The following UBE2D2 variants were observed in gnomAD, a reference collection of about 807,000 sequenced individuals.
UBE2D2 encodes ubiquitin-conjugating enzyme E2 D2.
Under a neutral mutation model 24.2 loss-of-function variants are expected in UBE2D2, and 2 were observed. The observed-to-expected ratio is 0.08, with a 90% CI of 0.03 to 0.26. The LOEUF is 0.26. Among genes scored for constraint, UBE2D2 ranks in the 10% least tolerant of loss-of-function variants. The pLI is 1.00. For synonymous variants in UBE2D2, 58 were observed against 56.5 expected (o/e 1.03, Z -0.12); for missense variants, 44 against 177.6 (o/e 0.25, Z 4.28).
chr5:139,582,735 A>C (rs1220670921), intron 1 of UBE2D2, among the ~76,000 whole-genome samples: 1 of 146,870 alleles, frequency 6.8e-6, no homozygotes, highest in South Asian at 2.1e-4. Flanking sequence ...CAGTGGCTCA[A>C]TCTCGGCTCA....
At chr5:139,571,634 G>C (rs144531124) in intron 1 of UBE2D2, among the ~76,000 whole-genome samples, 1 of 152,088 alleles carries the variant, frequency 6.6e-6, no homozygotes, top group South Asian at 2.1e-4. Context: ...TGTGTCTCCA[G>C]ATTTACTTGT....
intron 5 of UBE2D2, among the ~76,000 whole-genome samples, chr5:139,618,082 T>G (rs1443358840): frequency 6.6e-6 from 1 of 152,100 alleles, no homozygotes. Flanking sequence ...CAAGCCATTC[T>G]CCTGCCTCAG....
intron 1 of UBE2D2, chr5:139,562,075 T>C (rs1439298205): frequency 2.3e-6 from 2 of 879,340 alleles, no homozygotes; most frequent in African/African-American, 1.7e-5. Context: ...GTGTGGACTC[T>C]TAGGGCTTCT....
At chr5:139,529,937 G>T (rs921280686) in intron 1 of UBE2D2, among the ~76,000 whole-genome samples, 3 of 152,202 alleles carry the variant, frequency 2.0e-5, no homozygotes, top group Non-Finnish European at 2.9e-5. Context: ...GCCATGGGAA[G>T]CCCGAAAATT....
At chr5:139,621,135 C>T (rs559461529) in intron 5 of UBE2D2, among the ~76,000 whole-genome samples, 2 of 152,176 alleles carry the variant, frequency 1.3e-5, no homozygotes. Context: ...GTAGTCTTAC[C>T]TGGAGAGTGA....
At chr5:139,596,191 G>A (rs781660215) in intron 1 of UBE2D2, among the ~76,000 whole-genome samples, 6 of 150,848 alleles carry the variant, frequency 4.0e-5, no homozygotes, top group Non-Finnish European at 7.4e-5. Context: ...TGTGCCTGGC[G>A]TTTCTTGTGT....
intron 1 of UBE2D2, among the ~76,000 whole-genome samples, chr5:139,593,986 A>G (rs1753908009): frequency 6.6e-6 from 1 of 152,172 alleles, no homozygotes; most frequent in African/African-American, 2.4e-5. Context: ...ACCACCAAAG[A>G]GCCTCGATTT....
chr5:139,566,018 AT>A (rs527785941), intron 1 of UBE2D2, among the ~76,000 whole-genome samples: 3 of 148,688 alleles, frequency 2.0e-5, no homozygotes, highest in South Asian at 4.2e-4. Context: ...TGTGATAGAG[AT>A]TTTTTTTCTT....
chr5:139,561,637 G>T lies in UBE2D2; in HGVS notation c.-155G>T. The stretch of plus-strand genomic sequence containing the variant: ...AGGCCCAGGAGCTGAGTGGGCCCCG[G>T]CCCTCAGCCCGTCCCGCCGGACCCG... On this transcript the variant is annotated 5_prime_UTR_variant, in exon 1 of 7. Coordinates refer to ENST00000398733, the MANE Select transcript of UBE2D2 (RefSeq NM_003339.3). The T allele has an allele frequency of 1.9e-6, 1 of 529,754 alleles. No individual in the cohort carries two copies. The highest frequency in any genetic ancestry group is 3.2e-6 in the Non-Finnish European group (1 of 314,720). 32.8% of individuals were successfully genotyped at this position (529,754 alleles called of 1,614,324 possible). A position where few individuals can be genotyped will look rare whatever the true frequency, so the allele number is the denominator to read the frequency against.
Position 139,590,789 on chromosome 5 carries a change from T to C in UBE2D2, c.25-9583T>C, listed in dbSNP as rs1181331161. Reference sequence around the variant, plus strand: ...TGGGTATTTTCTCTTCTTCTTTTTTTTTTTTTTTTTTTTTTTTTTTTTTGA... The same window carrying C: ...TGGGTATTTTCTCTTCTTCTTTTTTCTTTTTTTTTTTTTTTTTTTTTTTGA... On this transcript the variant is annotated intron_variant, in intron 1 of 6. Transcript: ENST00000398733. Among the ~76,000 whole-genome samples, 184 of 122,320 alleles carry C rather than the reference T, an allele frequency of 1.5e-3. 2 individuals carry two copies. Among genetic ancestry groups the C allele is most frequent in the African/African-American group, 5.7e-3 (177 of 31,066 alleles). The allele number at this position is 122,320 out of a possible 152,430, so 80.2% of individuals were successfully genotyped here.
chr5:139,608,445 AAAG>A (rs1754240938), intron 2 of UBE2D2, among the ~76,000 whole-genome samples: 1 of 151,818 alleles, frequency 6.6e-6, no homozygotes, highest in Non-Finnish European at 1.5e-5. Context: ...GAAAGAAAAA[AAAG>A]AAGGGTATTC....
intron 1 of UBE2D2, among the ~76,000 whole-genome samples, chr5:139,571,416 A>AAAAAAAAC (rs1753349354): frequency 6.6e-6 from 1 of 151,988 alleles, no homozygotes; most frequent in Non-Finnish European, 1.5e-5. Flanking sequence ...CAAAAAAAAA[A>AAAAAAAAC]AAAAAAACAA....
At chr5:139,589,252 C>G (rs750854038) in intron 1 of UBE2D2, among the ~76,000 whole-genome samples, 18 of 151,860 alleles carry the variant, frequency 1.2e-4, no homozygotes, top group Non-Finnish European at 2.4e-4. Flanking sequence ...GAGCAAGACT[C>G]TGTCTCTTAA....
At chr5:139,537,044 A>G (rs530812752) in intron 1 of UBE2D2, among the ~76,000 whole-genome samples, 20 of 152,056 alleles carry the variant, frequency 1.3e-4, no homozygotes, top group African/African-American at 3.1e-4. Context: ...TTAGCCGGGC[A>G]TGGTGGCGGA....
intron 1 of UBE2D2, among the ~76,000 whole-genome samples, chr5:139,531,078 G>A (rs530583388): frequency 2.6e-5 from 4 of 152,158 alleles, no homozygotes; most frequent in Non-Finnish European, 1.5e-5. Flanking sequence ...AGTCTCAAAG[G>A]GGGGGAAATG....
At chr5:139,529,793 G>A (rs989983208) in intron 1 of UBE2D2, among the ~76,000 whole-genome samples, 29 of 152,244 alleles carry the variant, frequency 1.9e-4, no homozygotes, top group Non-Finnish European at 3.4e-4. Context: ...ATTTCATGAT[G>A]AACTAAATGT....
chr5:139,619,769 G>C (rs1038128751), intron 5 of UBE2D2, among the ~76,000 whole-genome samples: 1 of 151,898 alleles, frequency 6.6e-6, no homozygotes, highest in Non-Finnish European at 1.5e-5. Context: ...AGGCTGAGGC[G>C]GGAGAATCGC....
At position 139,615,738 on chromosome 5, in the gene UBE2D2, T is replaced by C. The variant is rs150619006; in HGVS notation, c.304+772T>C. On this transcript the variant is annotated intron_variant, in intron 5 of 6. Coordinates refer to ENST00000398733, the MANE Select transcript of UBE2D2 (RefSeq NM_003339.3). ...GTTTCTGTATCAATGAACTGAGTGATGTAGTTGTTGTCTTAATGTGTTGAT... is the reference window on the plus strand; with the variant it reads ...GTTTCTGTATCAATGAACTGAGTGACGTAGTTGTTGTCTTAATGTGTTGAT... 7.7e-3 allele frequency among the ~76,000 whole-genome samples: 1,176 copies of C among 152,192 alleles called. 10 individuals carry two copies. Among genetic ancestry groups the C allele is most frequent in the Middle Eastern group, 0.01 (3 of 294 alleles).
chr5:139,611,367 C>T (rs1041215433), intron 2 of UBE2D2, among the ~76,000 whole-genome samples: 6 of 151,532 alleles, frequency 4.0e-5, no homozygotes, highest in African/African-American at 1.5e-4. Context: ...TTTATATTTT[C>T]AGTAGAGACG....
Sources: allele counts gnomAD v4.1 joint callset (sites outside exome capture counted in the v4.1 genomes callset), GRCh38; gene constraint gnomAD v4.1.1; transcripts MANE v1.5; gene names NCBI Gene and HGNC (gene_info 2026-07-23, HGNC 2026-07-21).